Variants in KCNH7 observed in about 807,000 individuals in gnomAD.
KCNH7 encodes the protein voltage-gated inwardly rectifying potassium channel KCNH7.
A neutral mutation model predicts 120.8 loss-of-function variants in KCNH7; 49 were observed. The observed-to-expected ratio is 0.41, with a 90% CI of 0.32 to 0.51. The LOEUF (loss-of-function observed/expected upper bound fraction) is 0.51. Ranked by LOEUF, KCNH7 falls within the 20% of genes least tolerant of loss-of-function variation. The pLI, the probability that KCNH7 is intolerant of heterozygous loss-of-function variation, is 0.38. For synonymous variants in KCNH7, 547 were observed against 516.1 expected (o/e 1.06, Z -0.81); for missense variants, 1,097 against 1,446.6 (o/e 0.76, Z 3.92).
intron 5 of KCNH7, among the ~76,000 whole-genome samples, chr2:162,505,116 T>C (rs1690826193): frequency 6.6e-6 from 1 of 151,954 alleles, no homozygotes; most frequent in African/African-American, 2.4e-5. Flanking sequence ...CCTGTCTGTG[T>C]CACTGAGGAG....
At chr2:162,567,809 A>G (rs2105892327) in intron 2 of KCNH7, among the ~76,000 whole-genome samples, 2 of 152,194 alleles carry the variant, frequency 1.3e-5, no homozygotes, top group African/African-American at 4.8e-5. Flanking sequence ...TAAATACACC[A>G]CATAACAATG....
chr2:162,492,211 C>T (rs1690333759), intron 6 of KCNH7, among the ~76,000 whole-genome samples: 1 of 152,154 alleles, frequency 6.6e-6, no homozygotes, highest in African/African-American at 2.4e-5. Context: ...AAGCTGTAGC[C>T]AATCTGGTGC....
At chr2:162,752,524 G>A (rs920425420) in intron 2 of KCNH7, among the ~76,000 whole-genome samples, 9 of 151,564 alleles carry the variant, frequency 5.9e-5, no homozygotes, top group South Asian at 2.1e-4. Flanking sequence ...TATATTTTTC[G>A]GATTTAAAAA....
intron 2 of KCNH7, among the ~76,000 whole-genome samples, chr2:162,638,504 C>T (rs773904697): frequency 4.0e-5 from 6 of 150,972 alleles, no homozygotes; most frequent in Admixed American, 6.6e-5. Flanking sequence ...TACTGATAAA[C>T]AACATGTCAC....
chr2:162,407,459 G>A (rs924886355), intron 9 of KCNH7, among the ~76,000 whole-genome samples: 1 of 152,024 alleles, frequency 6.6e-6, no homozygotes, highest in Non-Finnish European at 1.5e-5. Flanking sequence ...GGCCAAGGAT[G>A]GGTAGAAGTG....
At chr2:162,558,396 G>C (rs1197787251) in intron 2 of KCNH7, among the ~76,000 whole-genome samples, 2 of 151,474 alleles carry the variant, frequency 1.3e-5, no homozygotes, top group Non-Finnish European at 2.9e-5. Context: ...GGATGGTCTC[G>C]ATCTCCTGAC....
intron 6 of KCNH7, among the ~76,000 whole-genome samples, chr2:162,482,823 A>G (rs891527360): frequency 2.6e-5 from 4 of 152,176 alleles, no homozygotes; most frequent in Non-Finnish European, 5.9e-5. Context: ...GGATAGCTAT[A>G]CCAAAAAAAA....
intron 2 of KCNH7, among the ~76,000 whole-genome samples, chr2:162,701,175 AT>A (rs1686484711): frequency 6.6e-6 from 1 of 152,092 alleles, no homozygotes; most frequent in South Asian, 2.1e-4. Context: ...AAATAAAGCT[AT>A]TTTCAATATT....
At position 162,643,266 on chromosome 2, in the gene KCNH7, AT is replaced by A. The variant is rs771854160; in HGVS notation, c.308-106187del. On this transcript the variant is annotated intron_variant, in intron 2 of 15. Transcript: ENST00000332142. ...CAGGTGATGACCATTCAGACTATTGATTTTTTTTTTTTAGCTAGCACACTGA... is the reference window on the plus strand; with the variant it reads ...CAGGTGATGACCATTCAGACTATTGATTTTTTTTTTTAGCTAGCACACTGA... 3.9e-3 allele frequency among the ~76,000 whole-genome samples: 570 copies of A among 145,830 alleles called. 2 individuals carry two copies. The highest frequency in any genetic ancestry group is 5.4e-3 in the Non-Finnish European group (358 of 65,980).
rs149424231 is a variant in KCNH7, at chr2:162,781,641, C to A, written c.307+54896G>T. Among the ~76,000 whole-genome samples, 521 of 152,092 alleles carry A rather than the reference C, an allele frequency of 3.4e-3. 5 individuals carry two copies. The highest frequency in any genetic ancestry group is 0.012 in the African/African-American group (498 of 41,488). On this transcript the variant is annotated intron_variant, in intron 2 of 15. Transcript: ENST00000332142. ...TTTGGATTTCATTACATATATTATA[C>A]TTTTTTGAGCATGGGGTCCTTAAAG... is the stretch of plus-strand genomic sequence containing the variant.
intron 3 of KCNH7, among the ~76,000 whole-genome samples, chr2:162,520,058 A>AT (rs1691465902): frequency 6.8e-6 from 1 of 147,488 alleles, no homozygotes. Flanking sequence ...CCAAACCTGT[A>AT]TTGTATATCT....
chr2:162,562,539 T>C (rs1693109228), intron 2 of KCNH7, among the ~76,000 whole-genome samples: 2 of 152,144 alleles, frequency 1.3e-5, no homozygotes, highest in Admixed American at 6.5e-5. Flanking sequence ...GAGTAGATAT[T>C]CTTGCTGTTG....
At chr2:162,707,055 C>A (rs1019305090) in intron 2 of KCNH7, among the ~76,000 whole-genome samples, 2 of 152,064 alleles carry the variant, frequency 1.3e-5, no homozygotes, top group African/African-American at 4.8e-5. Flanking sequence ...TGTGACAGTC[C>A]ATTTTTTTGC....
chr2:162,667,265 C>T (rs1414105352), intron 2 of KCNH7, among the ~76,000 whole-genome samples: 3 of 152,118 alleles, frequency 2.0e-5, no homozygotes, highest in Non-Finnish European at 4.4e-5. Flanking sequence ...CAGTGATCCT[C>T]CTGCCTCAGT....
intron 3 of KCNH7, among the ~76,000 whole-genome samples, chr2:162,534,197 C>CA (rs1196300131): frequency 6.6e-6 from 1 of 150,608 alleles, no homozygotes; most frequent in Non-Finnish European, 1.5e-5. Context: ...AATCATATAC[C>CA]AAAAAACTGA....
chr2:162,651,323 C>T (rs55942334), intron 2 of KCNH7, among the ~76,000 whole-genome samples: 19,217 of 152,078 alleles, frequency 0.13, 1,381 homozygotes, highest in East Asian at 0.33. Context: ...AGGCATTAAG[C>T]CCAATACCCA....
At chr2:162,544,974 T>A (rs1296148584) in intron 2 of KCNH7, among the ~76,000 whole-genome samples, 1 of 152,190 alleles carries the variant, frequency 6.6e-6, no homozygotes, top group Non-Finnish European at 1.5e-5. Context: ...AACAACCATA[T>A]AATTAAATCA....
intron 2 of KCNH7, among the ~76,000 whole-genome samples, chr2:162,737,425 T>C (rs918208874): frequency 3.3e-5 from 5 of 152,072 alleles, no homozygotes; most frequent in Non-Finnish European, 7.4e-5. Flanking sequence ...AGTGAGAGTA[T>C]TCCAGTATTC....
At chr2:162,690,887 G>A (rs1686077352) in intron 2 of KCNH7, among the ~76,000 whole-genome samples, 1 of 152,106 alleles carries the variant, frequency 6.6e-6, no homozygotes, top group Non-Finnish European at 1.5e-5. Flanking sequence ...CCCATGTGCT[G>A]GAATTTCTTG....
Sources: allele counts gnomAD v4.1 joint callset (sites outside exome capture counted in the v4.1 genomes callset), GRCh38; gene constraint gnomAD v4.1.1; transcripts MANE v1.5; gene names NCBI Gene and HGNC (gene_info 2026-07-23, HGNC 2026-07-21).